Variants in NSUN2 observed in about 807,000 individuals in gnomAD.
The protein encoded by NSUN2 is RNA cytosine C(5)-methyltransferase NSUN2.
A neutral mutation model predicts 92.7 loss-of-function variants in NSUN2; 63 were observed. That is an observed-to-expected ratio of 0.68 (90% CI 0.56 to 0.84). The LOEUF is 0.84. Among genes scored for constraint, NSUN2 ranks in the 40% least tolerant of loss-of-function variants. The pLI, the probability that NSUN2 is intolerant of heterozygous loss-of-function variation, is 0.00. For missense variants in NSUN2, 989 were observed against 964.9 expected, an observed-to-expected ratio of 1.02 and a Z score of -0.33; for synonymous variants, 356 against 348.3, an observed-to-expected ratio of 1.02 and a Z score of -0.25.
intron 4 of NSUN2, among the ~76,000 whole-genome samples, chr5:6,625,193 C>T (rs1243385105): frequency 6.6e-6 from 1 of 151,950 alleles, no homozygotes; most frequent in Non-Finnish European, 1.5e-5. Flanking sequence ...AAACCTATTC[C>T]CTACCAAGAT....
intron 3 of NSUN2, among the ~76,000 whole-genome samples, chr5:6,628,578 A>G (rs1055643850): frequency 6.6e-6 from 1 of 152,358 alleles, no homozygotes; most frequent in African/African-American, 2.4e-5. Context: ...TTCACTATGT[A>G]CCAGAGGATT....
At chr5:6,602,164 C>T (rs1736585081) in intron 18 of NSUN2, among the ~76,000 whole-genome samples, 1 of 152,122 alleles carries the variant, frequency 6.6e-6, no homozygotes, top group African/African-American at 2.4e-5. Flanking sequence ...CACACTTACT[C>T]TGTACAAGAC....
Position 6,631,910 on chromosome 5 carries a change from C to A in NSUN2, c.322G>T (p.Asp108Tyr), listed in dbSNP as rs769972332. 3 of 1,614,080 alleles carry A rather than the reference C, an allele frequency of 1.9e-6. No individual in the cohort carries two copies. In the East Asian group the frequency reaches 6.7e-5, roughly 36 times the overall value. ...TGTGGAACTTCAACTTTCTGACCGT[C>A]CACCTCCAGGTCCTCCAATTCCTTA... ...YFKELEDLEV[D>Y]GQKVEVPQPL... Residue 108 changes from aspartate to tyrosine, a missense_variant, in exon 3 of 19, where the codon GAC becomes TAC. This residue lies in a region of NSUN2 where 356 missense variants were observed against 338.6 expected (regional missense o/e 1.05). Coordinates refer to ENST00000264670, the MANE Select transcript of NSUN2 (RefSeq NM_017755.6).
chr5:6,627,740 T>C (rs1737713936), intron 3 of NSUN2, among the ~76,000 whole-genome samples: 2 of 152,330 alleles, frequency 1.3e-5, no homozygotes, highest in African/African-American at 4.8e-5. Context: ...AGCGAGGCCC[T>C]GTTTCTACAA....
chr5:6,620,051 T>C lies in NSUN2; in HGVS notation c.815+55A>G, dbSNP rs1737372962. ...TCATGCACAACTTCATTTTAGTCTC[T>C]ATTTGACTTGATTTCTTTAGTGGAT... is the stretch of plus-strand genomic sequence containing the variant. On this transcript the variant is annotated intron_variant, in intron 7 of 18. Transcript: ENST00000264670. 3.6e-6 allele frequency: 5 copies of C among 1,389,740 alleles called. No individual in the cohort carries two copies. The Admixed American group carries it at 1.2e-4, about 33-fold the overall frequency. 86.1% of individuals were successfully genotyped at this position (1,389,740 alleles called of 1,614,324 possible). A position where few individuals can be genotyped will look rare whatever the true frequency, so the allele number is the denominator to read the frequency against.
rs772855341 is a variant in NSUN2 at position 6,617,852 on chromosome 5, C to T, written c.890+98G>A. The stretch of plus-strand genomic sequence containing the variant: ...GCCATTGACCATCCTCTGATGCTTA[C>T]AGCTCTCTAATTAAAGATCGGATGC... On this transcript the variant is annotated intron_variant, in intron 8 of 18. Transcript: ENST00000264670. 4.1e-4 allele frequency: 364 copies of T among 897,820 alleles called. 1 individual carries two copies. Among genetic ancestry groups the T allele is most frequent in the Non-Finnish European group, 6.0e-4 (347 of 579,798 alleles). 55.6% of individuals were successfully genotyped at this position (897,820 alleles called of 1,614,324 possible).
intron 3 of NSUN2, among the ~76,000 whole-genome samples, chr5:6,626,696 C>T (rs1444866057): frequency 6.6e-6 from 1 of 152,176 alleles, no homozygotes; most frequent in African/African-American, 2.4e-5. Flanking sequence ...GCATCTGCAC[C>T]GTACAAATGA....
intron 5 of NSUN2, 58 bp from the exon 6 acceptor site, chr5:6,622,158 A>T: frequency 5.3e-6 from 7 of 1,322,558 alleles, no homozygotes; most frequent in Non-Finnish European, 7.6e-6. Context: ...TTCTACATTT[A>T]ATTTAAAGCA....
In NSUN2 at chr5:6,620,248, C is replaced by T. The variant is rs778216843; in HGVS notation, c.673G>A (p.Val225Ile). The T allele has an allele frequency of 4.3e-6, 7 of 1,610,068 alleles. No homozygotes were observed. Among genetic ancestry groups the T allele is most frequent in the Admixed American group, 3.4e-5 (2 of 59,102 alleles). ...CTGCTCAGCCTCTTGGCTTGATGGA[C>T]GAGCAGGTAGCAGCGCTTGTTGTCC... is the stretch of plus-strand genomic sequence containing the variant. ...DVDNKRCYLL[V>I]HQAKRLSSPC... is the part of the protein sequence containing the mutation. The change falls in exon 7 of 19, where the codon GTC becomes ATC. Residue 225 changes from valine to isoleucine, a missense_variant. Physicochemically the swap from Val to Ile is conservative, Grantham distance 29 (BLOSUM62 3). This residue lies in a region of NSUN2 where 356 missense variants were observed against 338.6 expected (regional missense o/e 1.05). Transcript: ENST00000264670.
chr5:6,632,671 C>T lies in NSUN2; in HGVS notation c.182G>A (p.Gly61Asp), dbSNP rs756488691. The stretch of plus-strand genomic sequence containing the variant: ...AGCGTCCATGAACTGGCCCCACTCG[C>T]CCTCGGGCACGATCTTGAGCTCCTG... ...YYQELKIVPE[G>D]EWGQFMDALR... The change falls in exon 2 of 19, where the codon GGC (glycine) becomes GAC (aspartate). Residue 61 changes from glycine (G) to aspartate (D), a missense_variant. Coordinates refer to ENST00000264670, the MANE Select transcript of NSUN2 (RefSeq NM_017755.6). 1 of 1,614,194 alleles carries T rather than the reference C, an allele frequency of 6.2e-7. No homozygotes were observed. Among genetic ancestry groups the T allele is most frequent in the East Asian group, 2.2e-5 (1 of 44,866 alleles).
chr5:6,622,732 G>C (rs139535506), intron 5 of NSUN2, among the ~76,000 whole-genome samples: 1 of 151,520 alleles, frequency 6.6e-6, no homozygotes, highest in Non-Finnish European at 1.5e-5. Flanking sequence ...CTGTAATCCC[G>C]GCTACTTGGG....
rs538342916 is a variant in NSUN2 at position 6,618,666 on chromosome 5, G to C, written c.816-642C>G. On this transcript the variant is annotated intron_variant, in intron 7 of 18. Coordinates refer to ENST00000264670, the MANE Select transcript of NSUN2 (RefSeq NM_017755.6). ...AATAGCTAAATTTTTCTTACTAATAGCTAAATTTTTCTTACAATCACCGTT... is the reference window on the plus strand; with the variant it reads ...AATAGCTAAATTTTTCTTACTAATACCTAAATTTTTCTTACAATCACCGTT... Among the ~76,000 whole-genome samples, 55 of 151,968 alleles carry C rather than the reference G, an allele frequency of 3.6e-4. No individual in the cohort carries two copies. The South Asian group carries it at 3.8e-3, about 10-fold the overall frequency.
rs369865107 is a variant in NSUN2, at chr5:6,616,653, G to A, written c.1021+74C>T. 48 of 160,024 alleles carry A rather than the reference G, an allele frequency of 3.0e-4. 11 individuals are homozygous for A. The highest frequency in any genetic ancestry group is 6.3e-4 in the African/African-American group (4 of 6,378). 9.9% of individuals were successfully genotyped at this position (160,024 alleles called of 1,614,324 possible). On this transcript the variant is annotated intron_variant, in intron 9 of 18. Transcript: ENST00000264670. ...AAATGATTAAGATGGTAAACCTCAC[G>A]TTATGTGTATTGTACCATACACATA...
intron 12 of NSUN2, among the ~76,000 whole-genome samples, chr5:6,608,545 A>G (rs182332648): frequency 5.1e-4 from 77 of 152,396 alleles, no homozygotes; most frequent in African/African-American, 1.8e-3. Flanking sequence ...ACAGAAAGAG[A>G]GAAGTATTCA....
At chr5:6,622,601 A>G (rs562612412) in intron 5 of NSUN2, among the ~76,000 whole-genome samples, 128 of 152,324 alleles carry the variant, frequency 8.4e-4, no homozygotes, top group Middle Eastern at 3.4e-3. Flanking sequence ...TAATCCCAGC[A>G]CTTTGGAAGG....
intron 18 of NSUN2, 82 bp downstream of exon 18, chr5:6,602,379 C>A: frequency 7.1e-7 from 1 of 1,414,246 alleles, no homozygotes; most frequent in Non-Finnish European, 1.0e-6. Context: ...CCCACCTTCC[C>A]AAGTCACTTT....
intron 14 of NSUN2, among the ~76,000 whole-genome samples, chr5:6,605,839 T>G (rs950723047): frequency 6.7e-5 from 10 of 148,304 alleles, no homozygotes; most frequent in South Asian, 2.2e-4. Flanking sequence ...TGATTATAGG[T>G]GCACGCCACC....
chr5:6,604,115 T>C (rs1579353991), intron 17 of NSUN2, 23 bp downstream of exon 17: 4 of 1,606,976 alleles, frequency 2.5e-6, no homozygotes, highest in African/African-American at 2.7e-5. Flanking sequence ...AAGTTATGTC[T>C]CTATGCATTT....
intron 14 of NSUN2, among the ~76,000 whole-genome samples, chr5:6,605,897 A>G (rs182598204): frequency 3.3e-5 from 5 of 152,006 alleles, no homozygotes; most frequent in Admixed American, 2.6e-4. Flanking sequence ...GTTTCACCAC[A>G]TTGGTCAGAC....
Sources: allele counts gnomAD v4.1 joint callset (sites outside exome capture counted in the v4.1 genomes callset), GRCh38; gene constraint gnomAD v4.1.1; regional missense constraint gnomAD v4.1.1; transcripts MANE v1.5; gene names NCBI Gene and HGNC (gene_info 2026-07-23, HGNC 2026-07-21).